The following MBP variants were observed in gnomAD, a reference collection of about 807,000 sequenced individuals.
MBP encodes the protein myelin basic protein, also known as Golli-MBP.
A neutral mutation model predicts 35.8 loss-of-function variants in MBP; 16 were observed. That is an observed-to-expected ratio of 0.45 (90% CI 0.30 to 0.68). The LOEUF (loss-of-function observed/expected upper bound fraction) is 0.68. Among genes scored for constraint, MBP ranks in the 30% least tolerant of loss-of-function variants. MBP has a pLI of 0.08. For missense variants in MBP, 380 were observed against 404.7 expected, an observed-to-expected ratio of 0.94 and a Z score of 0.52; for synonymous variants, 143 against 159.6, an observed-to-expected ratio of 0.90 and a Z score of 0.78.
intron 4 of MBP, chr18:77,014,355 C>T: frequency 1.0e-6 from 1 of 985,372 alleles, no homozygotes; most frequent in Non-Finnish European, 1.2e-6. Flanking sequence ...TTTATAGGGT[C>T]ATGGGGGGGC....
In MBP at chr18:76,980,410, C is replaced by T. The variant is rs145141322; in HGVS notation, c.*17G>A. On this transcript the variant is annotated 3_prime_UTR_variant, in exon 9 of 9. Transcript: ENST00000355994. ...TATTAAGAAGCTGAGGACAGGATTC[C>T]GGAACCAGGTGGGTTTTCAGCGTCT... The T allele has an allele frequency of 1.6e-3, 2,585 of 1,611,396 alleles. 22 individuals are homozygous for T. The highest frequency in any genetic ancestry group is 0.016 in the East Asian group (706 of 44,856).
chr18:77,014,445 C>T (rs536430256), intron 4 of MBP: 26 of 985,426 alleles, frequency 2.6e-5, no homozygotes, highest in East Asian at 2.3e-4. Context: ...TGGGGCAGGC[C>T]GCCGTGGTCC....
Position 77,017,154 on chromosome 18 carries a change from G to A in MBP, c.254C>T (p.Pro85Leu). 6.4e-7 allele frequency: 1 copy of A among 1,556,642 alleles called. No individual in the cohort carries two copies. Among genetic ancestry groups the A allele is most frequent in the Non-Finnish European group, 8.7e-7 (1 of 1,149,752 alleles). Reference protein sequence around the residue: ...NAWQDAHPADPGSRPHLIRLF... With the variant: ...NAWQDAHPADLGSRPHLIRLF... ...GCGGATCAAGTGGGGGCGGCTCCCT[G>A]GGTCAGCTGGGTGGGCATCCTGCCA... Residue 85 changes from proline (P) to leucine (L), a missense_variant, in exon 4 of 9, where the codon CCA becomes CTA. Pro to Leu is a moderately conservative substitution (Grantham distance 98, BLOSUM62 -3). Coordinates refer to ENST00000355994, the MANE Select transcript of MBP (RefSeq NM_001025101.2).
At chr18:77,100,888 C>A (rs1019529193) in intron 2 of MBP, among the ~76,000 whole-genome samples, 1 of 152,042 alleles carries the variant, frequency 6.6e-6, no homozygotes, top group Non-Finnish European at 1.5e-5. Flanking sequence ...GAATCATCCC[C>A]AGGAGGCTTA....
chr18:77,095,795 C>T (rs1359033898), intron 2 of MBP, among the ~76,000 whole-genome samples: 8 of 152,276 alleles, frequency 5.3e-5, no homozygotes, highest in East Asian at 3.9e-4. Context: ...GGAGATGTTC[C>T]GTAGACACCC....
At chr18:77,040,048 A>G (rs1203879965) in intron 3 of MBP, among the ~76,000 whole-genome samples, 1 of 152,236 alleles carries the variant, frequency 6.6e-6, no homozygotes, top group Non-Finnish European at 1.5e-5. Context: ...AAAATCACAT[A>G]GAAATTATAA....
At chr18:77,088,310 C>T (rs1338873252) in intron 2 of MBP, among the ~76,000 whole-genome samples, 4 of 152,142 alleles carry the variant, frequency 2.6e-5, no homozygotes, top group African/African-American at 9.7e-5. Flanking sequence ...GGCGAGGGAA[C>T]CCCCAGCCCC....
chr18:76,991,951 C>T (rs150767865), intron 4 of MBP, among the ~76,000 whole-genome samples: 31 of 152,356 alleles, frequency 2.0e-4, no homozygotes, highest in Non-Finnish European at 2.6e-4. Context: ...TGGTGGAATT[C>T]AGTGGGTGAC....
At position 77,131,079 on chromosome 18, in the gene MBP, G is replaced by A. The variant is rs373588304; in HGVS notation, c.-26+1501C>T. Among the ~76,000 whole-genome samples the A allele has an allele frequency of 0.041, 1,600 of 38,984 alleles. 43 individuals are homozygous for A. The highest frequency in any genetic ancestry group is 0.33 in the South Asian group (439 of 1,318). The allele number at this position is 38,984 out of a possible 152,430, so 25.6% of individuals were successfully genotyped here. A position where few individuals can be genotyped will look rare whatever the true frequency, so the allele number is the denominator to read the frequency against. On this transcript the variant is annotated intron_variant, in intron 1 of 8. Transcript: ENST00000355994. This position sits in a 1 kb window ranked among gnomAD's most constrained non-coding sequence, Gnocchi z 5.5. ...AAACAAAACACACACACGCGCGCAC[G>A]CACGCGCACACACACACACACACAC...
intron 2 of MBP, among the ~76,000 whole-genome samples, chr18:77,085,682 AG>A (rs1288427625): frequency 2.8e-5 from 3 of 108,150 alleles, no homozygotes; most frequent in Admixed American, 1.0e-4. Context: ...CAGTGCAATA[AG>A]TTTTTTTTTT....
At chr18:77,016,132 G>T in intron 4 of MBP, 5 of 982,464 alleles carry the variant, frequency 5.1e-6, no homozygotes, top group Non-Finnish European at 6.0e-6. Context: ...ACCACTCCTA[G>T]ACTCTGGACC....
intron 1 of MBP, among the ~76,000 whole-genome samples, chr18:77,128,214 C>T (rs761156493): frequency 6.6e-6 from 1 of 152,200 alleles, no homozygotes; most frequent in Non-Finnish European, 1.5e-5. Flanking sequence ...TAAAAAGAAA[C>T]ACCTATGGAC....
chr18:77,029,162 A>G (rs1374498726), intron 3 of MBP, among the ~76,000 whole-genome samples: 1 of 121,856 alleles, frequency 8.2e-6, no homozygotes, highest in Non-Finnish European at 2.0e-5. Context: ...CAATCCCGGC[A>G]CCTCGGGAGG....
chr18:77,115,875 G>A (rs567977987), intron 1 of MBP: 1 of 152,324 alleles, frequency 6.6e-6, no homozygotes, highest in East Asian at 1.9e-4. Flanking sequence ...GAGCCTTCCA[G>A]GTTCTAATCA....
chr18:77,068,303 A>G (rs1974288458), intron 2 of MBP, among the ~76,000 whole-genome samples: 2 of 152,318 alleles, frequency 1.3e-5, no homozygotes, highest in Admixed American at 1.3e-4. Flanking sequence ...CGTATGAAGT[A>G]TGGTACCAAG....
intron 4 of MBP, chr18:77,012,980 A>G: frequency 1.0e-6 from 1 of 985,454 alleles, no homozygotes; most frequent in Non-Finnish European, 1.2e-6. Flanking sequence ...AGACACATCC[A>G]GTCTAATTAA....
chr18:77,036,311 C>G (rs1199799178), intron 3 of MBP, among the ~76,000 whole-genome samples: 1 of 116,306 alleles, frequency 8.6e-6, no homozygotes, highest in Admixed American at 8.2e-5. Flanking sequence ...GAGGACTGAG[C>G]TGAGCAAGTG....
intron 3 of MBP, among the ~76,000 whole-genome samples, chr18:77,053,321 CA>C (rs1973582739): frequency 6.6e-6 from 1 of 152,254 alleles, no homozygotes; most frequent in South Asian, 2.1e-4. Flanking sequence ...AGAAGCTGGA[CA>C]TTTGCACACT....
rs1438493662 is a variant in MBP, at chr18:77,098,165, TTCC to T, written c.51+7043_51+7045del. Among the ~76,000 whole-genome samples the T allele has an allele frequency of 6.2e-3, 674 of 107,866 alleles. 4 individuals are homozygous for T. The highest frequency in any genetic ancestry group is 0.019 in the African/African-American group (646 of 33,278). The allele number at this position is 107,866 out of a possible 152,430, so 70.8% of individuals were successfully genotyped here. ...GTATTCTGAGGACAGACACAAGGAC[TTCC>T]TTTTTTTTTTTTTTTTTTTTTACAA... On this transcript the variant is annotated intron_variant, in intron 2 of 8. Coordinates refer to ENST00000355994, the MANE Select transcript of MBP (RefSeq NM_001025101.2).
Sources: allele counts gnomAD v4.1 joint callset (sites outside exome capture counted in the v4.1 genomes callset), GRCh38; gene constraint gnomAD v4.1.1; non-coding constraint Gnocchi (gnomAD v3.1); transcripts MANE v1.5; gene names NCBI Gene and HGNC (gene_info 2026-07-23, HGNC 2026-07-21).